TGM3: variants seen among roughly 807,000 people sequenced by gnomAD.
TGM3 encodes protein-glutamine gamma-glutamyltransferase E.
A neutral mutation model predicts 73.8 loss-of-function variants in TGM3; 52 were observed. The ratio of observed to expected loss-of-function variants is 0.70; its 90% confidence interval spans 0.56 to 0.89. The LOEUF is 0.89. Among genes scored for constraint, TGM3 ranks in the 40% least tolerant of loss-of-function variants. TGM3 has a pLI of 0.00. For synonymous variants in TGM3, 372 were observed against 354.9 expected, an observed-to-expected ratio of 1.05 and a Z score of -0.54; for missense variants, 928 against 909.9, an observed-to-expected ratio of 1.02 and a Z score of -0.26.
At position 2,328,232 on chromosome 20, in the gene TGM3, G is replaced by A; in HGVS notation, c.1200G>A (p.Trp400Ter). 1 of 1,614,208 alleles carries A rather than the reference G, an allele frequency of 6.2e-7. No homozygotes were observed. The highest frequency in any genetic ancestry group is 8.5e-7 in the Non-Finnish European group (1 of 1,180,050). ...FAEVNADRIT[W>*]LYDNTTGKQW... The stretch of plus-strand genomic sequence containing the variant: ...AGGTTAATGCCGACCGCATCACCTG[G>A]CTGTACGACAACACCACTGGCAAAC... Residue 400 changes from tryptophan (W) to a stop codon, truncating the protein, a stop_gained, in exon 9 of 13, where the codon TGG becomes TGA. Transcript: ENST00000381458. LOFTEE classifies it high-confidence loss of function. This position sits in a 1 kb window ranked among gnomAD's most constrained non-coding sequence, Gnocchi z 5.2.
intron 4 of TGM3, 108 bp downstream of exon 4, chr20:2,311,237 C>G: frequency 1.1e-6 from 1 of 905,478 alleles, no homozygotes; most frequent in Middle Eastern, 2.9e-4. Flanking sequence ...TCTGCCTGCC[C>G]TTCTATTTGT....
chr20:2,327,434 A>G (rs541929593), intron 8 of TGM3, among the ~76,000 whole-genome samples: 3 of 152,246 alleles, frequency 2.0e-5, no homozygotes, highest in South Asian at 4.1e-4. Flanking sequence ...TCGAGATTGC[A>G]CCACTGCACT....
chr20:2,340,294 C>T, intron 12 of TGM3, 140 bp from the exon 13 acceptor site: 3 of 1,322,756 alleles, frequency 2.3e-6, no homozygotes, highest in Non-Finnish European at 3.1e-6. Context: ...CCCCGTAACC[C>T]AGAGAGACAG....
At chr20:2,320,716 G>C (rs1297893297) in intron 7 of TGM3, among the ~76,000 whole-genome samples, 1 of 152,164 alleles carries the variant, frequency 6.6e-6, no homozygotes. Flanking sequence ...TTTCGGGGGA[G>C]CTTAGTTTGG....
At chr20:2,313,615 AC>A (rs1292265373) in intron 5 of TGM3, among the ~76,000 whole-genome samples, 1 of 149,766 alleles carries the variant, frequency 6.7e-6, no homozygotes, top group Non-Finnish European at 1.5e-5. Flanking sequence ...CCCCTACAAC[AC>A]ACACAAACAC....
Position 2,332,283 on chromosome 20 carries a change from G to C in TGM3, c.1615G>C (p.Ala539Pro). Residue 539 changes from alanine to proline, a missense_variant, in exon 10 of 13, where the codon GCC becomes CCC. Physicochemically the swap from Ala to Pro is conservative, Grantham distance 27. Transcript: ENST00000381458. The surrounding 1 kb of genome is among the most constrained non-coding windows in gnomAD (Gnocchi z 4.4). ...TLVHEVWKDS[A>P]TMSLDPEEEA... ...TGTACATGAAGTGTGGAAGGACTCT[G>C]CCACAATGTCCCTGGACCCTGAGGA... is the stretch of plus-strand genomic sequence containing the variant. The C allele has an allele frequency of 6.2e-7, 1 of 1,609,046 alleles. No individual in the cohort carries two copies. The highest frequency in any genetic ancestry group is 1.7e-5 in the Admixed American group (1 of 59,732).
intron 7 of TGM3, among the ~76,000 whole-genome samples, chr20:2,321,239 TTTTG>T (rs1260601972): frequency 2.0e-5 from 3 of 152,180 alleles, no homozygotes; most frequent in Non-Finnish European, 2.9e-5. Flanking sequence ...GGAGGAGGGT[TTTTG>T]TTTGTTTGTT....
In TGM3 at chr20:2,328,103, T is replaced by G; in HGVS notation, c.1088-17T>G. On this transcript the variant is annotated splice_polypyrimidine_tract_variant and intron_variant, in intron 8 of 12. Transcript: ENST00000381458. The surrounding 1 kb of genome is among the most constrained non-coding windows in gnomAD (Gnocchi z 5.2). ...GTGGCCTTGGCATATATCCAGCCTCTGCATCTTGGCCTCCAGGGGTGTTCC... is the reference window on the plus strand; with the variant it reads ...GTGGCCTTGGCATATATCCAGCCTCGGCATCTTGGCCTCCAGGGGTGTTCC... The G allele has an allele frequency of 6.2e-7, 1 of 1,614,098 alleles. No homozygotes were observed. The highest frequency in any genetic ancestry group is 2.2e-5 in the East Asian group (1 of 44,872).
intron 9 of TGM3, among the ~76,000 whole-genome samples, chr20:2,330,018 A>G (rs6048208): frequency 0.68 from 103,328 of 151,604 alleles, 36,150 homozygotes; most frequent in East Asian, 0.92. Flanking sequence ...CAAACTTCCT[A>G]AACAATGGAG....
At chr20:2,298,839 C>T (rs2122203250) in intron 1 of TGM3, among the ~76,000 whole-genome samples, 1 of 152,202 alleles carries the variant, frequency 6.6e-6, no homozygotes, top group Non-Finnish European at 1.5e-5. Flanking sequence ...AGGAGATGGC[C>T]CCTCTGGGCT....
intron 1 of TGM3, among the ~76,000 whole-genome samples, chr20:2,304,140 G>C (rs975799262): frequency 6.6e-6 from 1 of 152,142 alleles, no homozygotes. Flanking sequence ...GAGAACCTTA[G>C]ACAGCTGAGT....
At chr20:2,326,145 C>T in intron 8 of TGM3, 193 bp downstream of exon 8, 1 of 619,984 alleles carries the variant, frequency 1.6e-6, no homozygotes, top group Non-Finnish European at 2.8e-6. Flanking sequence ...GAGTGCCTGC[C>T]CTGCACCCAC....
intron 1 of TGM3, among the ~76,000 whole-genome samples, chr20:2,304,806 C>T (rs921713130): frequency 6.6e-5 from 10 of 152,164 alleles, no homozygotes; most frequent in Non-Finnish European, 1.3e-4. Context: ...TGCACACACC[C>T]CTCAGTCCCA....
chr20:2,324,718 C>T (rs941554914), intron 7 of TGM3, among the ~76,000 whole-genome samples: 18 of 152,202 alleles, frequency 1.2e-4, no homozygotes, highest in African/African-American at 3.9e-4. Context: ...TTCCTCAGAT[C>T]AGAAAGCTGT....
rs180752115 is a variant in TGM3, at chr20:2,311,838, A to T, written c.540+709A>T. ...AAGAGAGGCTATTTTTTTTTATGGC[A>T]TGGTTAGGGAGGGCCTCACTTAGAA... On this transcript the variant is annotated intron_variant, in intron 4 of 12. Transcript: ENST00000381458. Among the ~76,000 whole-genome samples, 10 of 151,978 alleles carry T rather than the reference A, an allele frequency of 6.6e-5. No homozygotes were observed. In the South Asian group the frequency reaches 1.5e-3, roughly 22 times the overall value.
chr20:2,333,716 T>C (rs1191321930), intron 10 of TGM3, among the ~76,000 whole-genome samples: 1 of 151,674 alleles, frequency 6.6e-6, no homozygotes, highest in Admixed American at 6.6e-5. Flanking sequence ...ATTTTGGAAA[T>C]CAAAAAAAAT....
chr20:2,301,366 C>T (rs575780575), intron 1 of TGM3, among the ~76,000 whole-genome samples: 6 of 149,672 alleles, frequency 4.0e-5, no homozygotes, highest in African/African-American at 9.9e-5. Flanking sequence ...GCTTCAACTC[C>T]GTGACTTCCC....
At chr20:2,306,625 C>T (rs1248024396) in intron 1 of TGM3, among the ~76,000 whole-genome samples, 4 of 151,860 alleles carry the variant, frequency 2.6e-5, no homozygotes, top group Non-Finnish European at 4.4e-5. Flanking sequence ...TACAGGCGTG[C>T]GCCACCATGC....
At position 2,328,372 on chromosome 20, in the gene TGM3, G is replaced by C. The variant is rs752590880; in HGVS notation, c.1333+7G>C. ...AAGTACAAGTACCCAGAAGGTAGGA[G>C]GGACGCTGGCGGGGCAGTGCCGCGA... On this transcript the variant is annotated splice_region_variant and intron_variant, in intron 9 of 12. Transcript: ENST00000381458. This position sits in a 1 kb window ranked among gnomAD's most constrained non-coding sequence, Gnocchi z 5.2. The C allele has an allele frequency of 6.2e-7, 1 of 1,613,760 alleles. No homozygotes were observed. Among genetic ancestry groups the C allele is most frequent in the African/African-American group, 1.3e-5 (1 of 74,924 alleles).
Sources: gnomAD v4.1 joint callset for allele counts (sites outside exome capture counted in the v4.1 genomes callset) on GRCh38, gnomAD v4.1.1 for gene constraint, Gnocchi (gnomAD v3.1) non-coding constraint, MANE v1.5 for transcripts, NCBI Gene and HGNC (gene_info 2026-07-23, HGNC 2026-07-21) for gene names.